ENOSF1: variants seen among roughly 807,000 people sequenced by gnomAD.
ENOSF1 encodes the protein mitochondrial enolase superfamily member 1.
Under a neutral mutation model 68.2 loss-of-function variants are expected in ENOSF1, and 73 were observed. That is an observed-to-expected ratio of 1.07 (90% CI 0.89 to 1.30). ENOSF1 has a LOEUF of 1.30. ENOSF1 is among the 50% of genes most tolerant of loss of function. The pLI, the probability that ENOSF1 is intolerant of heterozygous loss-of-function variation, is 0.00. For synonymous variants in ENOSF1, 223 were observed against 210.4 expected (o/e 1.06, Z -0.52); for missense variants, 589 against 554.5 (o/e 1.06, Z -0.62).
chr18:706,608 A>C, intron 1 of ENOSF1, 30 bp from the exon 2 acceptor site: 1 of 1,538,170 alleles, frequency 6.5e-7, no homozygotes, highest in Non-Finnish European at 9.0e-7. Context: ...CGCCGAAACA[A>C]TGCCAGTGTG....
intron 2 of ENOSF1, among the ~76,000 whole-genome samples, chr18:698,574 A>C (rs184365398): frequency 6.6e-6 from 1 of 152,244 alleles, no homozygotes; most frequent in African/African-American, 2.4e-5. Context: ...TTGAAGGTTA[A>C]ATTTAATTTG....
Position 706,467 on chromosome 18 carries a change from C to G in ENOSF1, c.193+3G>C, listed in dbSNP as rs749807469. On this transcript the variant is annotated splice_donor_region_variant and intron_variant, in intron 2 of 15. Transcript: ENST00000647584. ...TGGAACCTCGAGAGAATCTTCAACT[C>G]ACCAACTTCAGTGCCTTTTCCCAGA... 1.3e-6 allele frequency: 2 copies of G among 1,599,720 alleles called. No homozygotes were observed. The highest frequency in any genetic ancestry group is 2.7e-5 in the African/African-American group (2 of 74,796).
At chr18:693,631 T>C in intron 5 of ENOSF1, 2 of 985,412 alleles carry the variant, frequency 2.0e-6, no homozygotes, top group Non-Finnish European at 2.4e-6. Context: ...CACCGTGTGT[T>C]ACACATGCAC....
intron 1 of ENOSF1, among the ~76,000 whole-genome samples, chr18:710,928 T>G (rs1235111749): frequency 1.3e-5 from 2 of 152,200 alleles, no homozygotes; most frequent in African/African-American, 4.8e-5. Context: ...TGCTGGGTGT[T>G]TAAGTTATTT....
At chr18:686,036 T>C in intron 9 of ENOSF1, 28 bp from the exon 10 acceptor site, 1 of 1,564,614 alleles carries the variant, frequency 6.4e-7, no homozygotes, top group Non-Finnish European at 8.8e-7. Flanking sequence ...TTTGCTAGTT[T>C]AGACCTGTAC....
At chr18:690,984 A>T in intron 7 of ENOSF1, 84 bp downstream of exon 7, 1 of 1,468,474 alleles carries the variant, frequency 6.8e-7, no homozygotes, top group Non-Finnish European at 9.5e-7. Flanking sequence ...ATTTGGGAAG[A>T]CAATGTGTAC....
At chr18:700,890 C>CAAAAAA (rs71174273) in intron 2 of ENOSF1, among the ~76,000 whole-genome samples, 6 of 64,892 alleles carry the variant, frequency 9.2e-5, no homozygotes, top group African/African-American at 1.8e-4. Context: ...AACTCTGCCT[C>CAAAAAA]AAAAAAAAAA....
intron 10 of ENOSF1, 100 bp from the exon 11 acceptor site, chr18:683,480 C>T (rs1030935412): frequency 1.4e-6 from 2 of 1,410,314 alleles, no homozygotes; most frequent in African/African-American, 1.4e-5. Context: ...GTGCCACCAA[C>T]AGCTGAGTGA....
chr18:676,242 A>T (rs1044698861), intron 14 of ENOSF1, among the ~76,000 whole-genome samples: 2 of 151,980 alleles, frequency 1.3e-5, no homozygotes, highest in Admixed American at 1.3e-4. Context: ...CAGCTGTGAC[A>T]GGCAGGCTGA....
rs78694226 is a variant in ENOSF1, at chr18:710,980, G to A, written c.84+1524C>T. Among the ~76,000 whole-genome samples the A allele has an allele frequency of 5.5e-3, 832 of 152,266 alleles. 2 individuals carry two copies. The highest frequency in any genetic ancestry group is 0.011 in the South Asian group (52 of 4,824). On this transcript the variant is annotated intron_variant, in intron 1 of 15. Coordinates refer to ENST00000647584, the MANE Select transcript of ENOSF1 (RefSeq NM_017512.7). Reference sequence around the variant, plus strand: ...AAAGGAAACATGAAGATTTTAAAGAGGATGACAGCCTGGGCCCTGTCTCTA... The same window carrying A: ...AAAGGAAACATGAAGATTTTAAAGAAGATGACAGCCTGGGCCCTGTCTCTA...
chr18:691,291 G>A lies in ENOSF1; in HGVS notation c.424-15C>T, dbSNP rs1327449889. ...ATCCTGGGATCCTGGCAACGTGACAGGAGGGGAAGAGGCCTGAATCAATTA... is the reference window on the plus strand; with the variant it reads ...ATCCTGGGATCCTGGCAACGTGACAAGAGGGGAAGAGGCCTGAATCAATTA... On this transcript the variant is annotated splice_polypyrimidine_tract_variant and intron_variant, in intron 5 of 15. Transcript: ENST00000647584. 1.1e-5 allele frequency: 18 copies of A among 1,608,604 alleles called. No homozygotes were observed. Among genetic ancestry groups the A allele is most frequent in the Non-Finnish European group, 1.5e-5 (18 of 1,176,034 alleles).
At chr18:704,381 T>C (rs533207143) in intron 2 of ENOSF1, among the ~76,000 whole-genome samples, 23 of 140,698 alleles carry the variant, frequency 1.6e-4, no homozygotes, top group Middle Eastern at 3.9e-3. Context: ...GTGAGCGAGA[T>C]TGCGCCACTG....
intron 2 of ENOSF1, among the ~76,000 whole-genome samples, chr18:699,367 G>A (rs1026253277): frequency 6.6e-6 from 1 of 152,064 alleles, no homozygotes; most frequent in Admixed American, 6.6e-5. Flanking sequence ...GGCTGAGGTA[G>A]GAGGATCACT....
intron 11 of ENOSF1, among the ~76,000 whole-genome samples, chr18:680,857 T>G (rs2076010104): frequency 6.6e-6 from 1 of 151,018 alleles, no homozygotes; most frequent in South Asian, 2.1e-4. Context: ...ATTTTTTTTT[T>G]TTTTCTGAGA....
intron 2 of ENOSF1, among the ~76,000 whole-genome samples, chr18:699,861 C>T (rs1598750018): frequency 1.3e-5 from 2 of 152,328 alleles, no homozygotes; most frequent in African/African-American, 4.8e-5. Context: ...CGGTGGATTG[C>T]CTGAGGTCAA....
At chr18:691,510 T>G in intron 5 of ENOSF1, 1 of 453,454 alleles carries the variant, frequency 2.2e-6, no homozygotes, top group Non-Finnish European at 3.9e-6. Flanking sequence ...TATGCCCGGC[T>G]AATTTATTTT....
At chr18:706,816 T>TATATATATA (rs756834911) in intron 1 of ENOSF1, 1,053 of 93,590 alleles carry the variant, frequency 0.011, 5 homozygotes, top group African/African-American at 0.018. Context: ...TATATATATA[T>TATATATATA]TTTTTTTTTT....
chr18:685,887 C>A, intron 10 of ENOSF1, 34 bp downstream of exon 10: 3 of 1,491,870 alleles, frequency 2.0e-6, no homozygotes, highest in Non-Finnish European at 2.8e-6. Context: ...TGGACAAAGG[C>A]TACTGCTTCT....
chr18:677,433 G>C lies in ENOSF1; in HGVS notation c.1060C>G (p.Pro354Ala), dbSNP rs199759857. ...MAKKFEIPVC[P>A]HAGGVGLCEL... ...CAGAGGCCAACTCCACCAGCATGGG[G>C]GCAAACAGGAACTAAAAGGAAATCG... The change falls in exon 14 of 16, where the codon CCC (proline) becomes GCC (alanine). Residue 354 changes from proline (P) to alanine (A), a missense_variant. Physicochemically the swap from Pro to Ala is conservative, Grantham distance 27. Transcript: ENST00000647584. 1 of 1,612,758 alleles carries C rather than the reference G, an allele frequency of 6.2e-7. No individual in the cohort carries two copies. The highest frequency in any genetic ancestry group is 1.3e-5 in the African/African-American group (1 of 74,924).
Sources: allele counts gnomAD v4.1 joint callset (sites outside exome capture counted in the v4.1 genomes callset), GRCh38; gene constraint gnomAD v4.1.1; transcripts MANE v1.5; gene names NCBI Gene and HGNC (gene_info 2026-07-23, HGNC 2026-07-21).